The following SCML4 variants were observed in gnomAD, a reference collection of about 807,000 sequenced individuals.
SCML4 encodes sex comb on midleg-like protein 4.
SCML4 carries 34 observed loss-of-function variants against 41.1 expected under a neutral mutation model. That is an observed-to-expected ratio of 0.83 (90% CI 0.63 to 1.10). SCML4 has a LOEUF of 1.10. SCML4 is among the 50% of genes least tolerant of loss of function. The probability of loss-of-function intolerance (pLI) is 0.00; values close to 1 mark genes in which losing one functional copy is unlikely to be tolerated. For missense variants in SCML4, 522 were observed against 534.1 expected (o/e 0.98, Z 0.22); for synonymous variants, 214 against 220.9 (o/e 0.97, Z 0.28).
chr6:107,780,771 T>TC (rs998577103), intron 1 of SCML4, among the ~76,000 whole-genome samples: 18 of 151,964 alleles, frequency 1.2e-4, no homozygotes, highest in Non-Finnish European at 2.4e-4. Context: ...ATGACTGATT[T>TC]CATATCTTGG....
intron 2 of SCML4, chr6:107,755,519 G>A: frequency 1.1e-6 from 1 of 933,846 alleles, no homozygotes; most frequent in Non-Finnish European, 1.4e-6. Flanking sequence ...TGAGCCCACT[G>A]GCTAGAAGCT....
intron 1 of SCML4, among the ~76,000 whole-genome samples, chr6:107,802,314 T>C (rs1002669671): frequency 6.6e-6 from 1 of 152,162 alleles, no homozygotes; most frequent in African/African-American, 2.4e-5. Flanking sequence ...TTGACATTGA[T>C]GGTCCAGTCT....
At chr6:107,816,958 G>A (rs968697258) in intron 1 of SCML4, among the ~76,000 whole-genome samples, 3 of 152,166 alleles carry the variant, frequency 2.0e-5, no homozygotes, top group African/African-American at 4.8e-5. Context: ...ACTGATGTTC[G>A]ATTCACAAAG....
At chr6:107,823,446 G>A (rs1316601278) in intron 1 of SCML4, among the ~76,000 whole-genome samples, 1 of 152,176 alleles carries the variant, frequency 6.6e-6, no homozygotes, top group East Asian at 1.9e-4. Flanking sequence ...ACCTGGGAAG[G>A]AGGTGATTTT....
intron 1 of SCML4, among the ~76,000 whole-genome samples, chr6:107,802,987 C>G (rs1562273721): frequency 6.6e-6 from 1 of 151,640 alleles, no homozygotes; most frequent in Admixed American, 6.6e-5. Context: ...CGCGAGTGAT[C>G]CGCCAGCCTC....
chr6:107,825,918 C>CA (rs1311938132), upstream of SCML4, among the ~76,000 whole-genome samples: 3 of 106,692 alleles, frequency 2.8e-5, no homozygotes, highest in South Asian at 3.0e-4. Flanking sequence ...GCCTGGGTGA[C>CA]AGAGCGAGAC....
chr6:107,827,935 G>A (rs971876748), upstream of SCML4, among the ~76,000 whole-genome samples: 8 of 152,170 alleles, frequency 5.3e-5, no homozygotes, highest in East Asian at 1.9e-4. Context: ...GCATCCGATC[G>A]AGAGGATTCT....
At chr6:107,718,892 A>G (rs561650144) in intron 6 of SCML4, 3 of 152,302 alleles carry the variant, frequency 2.0e-5, no homozygotes, top group Non-Finnish European at 4.4e-5. Context: ...AGAGAAAGAC[A>G]TTTAAACTCA....
intron 2 of SCML4, among the ~76,000 whole-genome samples, chr6:107,765,029 C>T (rs1779920416): frequency 6.6e-6 from 1 of 152,182 alleles, no homozygotes; most frequent in Non-Finnish European, 1.5e-5. Context: ...ATCTCTTTAT[C>T]AGCAGGGTGA....
chr6:107,727,954 GA>G (rs1206423423), intron 5 of SCML4, among the ~76,000 whole-genome samples: 4 of 152,216 alleles, frequency 2.6e-5, no homozygotes, highest in Non-Finnish European at 5.9e-5. Context: ...ATGATGCCTG[GA>G]ATAGAGGAAG....
Position 107,781,420 on chromosome 6 carries a change from G to A in SCML4, c.-59-9034C>T, listed in dbSNP as rs544580517. Among the ~76,000 whole-genome samples, 30 of 152,264 alleles carry A rather than the reference G, an allele frequency of 2.0e-4. No homozygotes were observed. In the South Asian group the frequency reaches 5.8e-3, roughly 29 times the overall value. ...CCAGCACTTTGGGAGGCCGAGGCGG[G>A]TGGATTGCTTGAGCTCAGGAGCTCA... On this transcript the variant is annotated intron_variant, in intron 1 of 7. Coordinates refer to ENST00000369020, the MANE Select transcript of SCML4 (RefSeq NM_198081.5).
intron 2 of SCML4, chr6:107,755,547 A>G (rs370541450): frequency 1.8e-5 from 22 of 1,199,216 alleles, no homozygotes; most frequent in Non-Finnish European, 2.3e-5. Context: ...AGTGTGATGC[A>G]GGGCCCAGTC....
At chr6:107,839,115 C>T in the SCML4 span, among the ~76,000 whole-genome samples, 21 of 151,936 alleles carry the variant, frequency 1.4e-4, no homozygotes, top group Admixed American at 2.6e-4. Context: ...GCCTGGGCAA[C>T]ATGGTGAAAC....
At chr6:107,838,399 G>T in the SCML4 span, among the ~76,000 whole-genome samples, 1 of 152,138 alleles carries the variant, frequency 6.6e-6, no homozygotes, top group African/African-American at 2.4e-5. Flanking sequence ...CTCTGGATGG[G>T]GCTTTCGTGA....
chr6:107,742,270 G>T (rs1293189573), intron 5 of SCML4, among the ~76,000 whole-genome samples: 1 of 152,128 alleles, frequency 6.6e-6, no homozygotes, highest in Non-Finnish European at 1.5e-5. Context: ...GAGAATTAAT[G>T]AAGATCACTT....
the SCML4 span, among the ~76,000 whole-genome samples, chr6:107,831,117 C>CA: frequency 2.0e-5 from 3 of 151,950 alleles, no homozygotes; most frequent in Admixed American, 1.3e-4. Flanking sequence ...TTTCTGGGCT[C>CA]AATTTCTATG....
At chr6:107,843,321 T>C in the SCML4 span, among the ~76,000 whole-genome samples, 1 of 152,152 alleles carries the variant, frequency 6.6e-6, no homozygotes, top group African/African-American at 2.4e-5. Flanking sequence ...AGGCATATTA[T>C]ATTTTTTGGG....
At chr6:107,833,139 A>T in the SCML4 span, among the ~76,000 whole-genome samples, 1 of 152,262 alleles carries the variant, frequency 6.6e-6, no homozygotes, top group Non-Finnish European at 1.5e-5. Context: ...TAAGTTGGTC[A>T]TATAGTTAGC....
intron 2 of SCML4, among the ~76,000 whole-genome samples, chr6:107,759,442 G>T (rs1011115930): frequency 6.6e-6 from 1 of 152,150 alleles, no homozygotes; most frequent in African/African-American, 2.4e-5. Flanking sequence ...GAGGTATCAC[G>T]TGGTCTAGCT....
Sources: gnomAD v4.1 joint callset for allele counts (sites outside exome capture counted in the v4.1 genomes callset) on GRCh38, gnomAD v4.1.1 for gene constraint, MANE v1.5 for transcripts, NCBI Gene and HGNC (gene_info 2026-07-23, HGNC 2026-07-21) for gene names.